RPL37A: variants seen among roughly 807,000 people sequenced by gnomAD.
RPL37A encodes ribosomal protein L37a.
In RPL37A, 5 loss-of-function variants were observed where a neutral mutation model predicts 13.6. That is an observed-to-expected ratio of 0.37 (90% confidence interval 0.19 to 0.78). The LOEUF (loss-of-function observed/expected upper bound fraction) is 0.78. Ranked by LOEUF, RPL37A falls within the 30% of genes least tolerant of loss-of-function variation. The probability of loss-of-function intolerance (pLI) is 0.49; values close to 1 mark genes in which losing one functional copy is unlikely to be tolerated. For missense variants in RPL37A, 77 were observed against 120.0 expected (o/e 0.64, Z 1.67); for synonymous variants, 50 against 44.4 (o/e 1.13, Z -0.50).
rs1695628453 is a variant in RPL37A, at chr2:216,503,239, G to A, written c.*1835G>A. On this transcript the variant is annotated 3_prime_UTR_variant, in exon 4 of 4. Transcript: ENST00000491306. ...ACTGCCTAGATAGTTGGGTGACTTG[G>A]GTTAAGTGACTTAACCTCTCTGCTT... The A allele has an allele frequency of 6.6e-6, 1 of 152,080 alleles. No homozygotes were observed. Among genetic ancestry groups the A allele is most frequent in the Non-Finnish European group, 1.5e-5 (1 of 68,022 alleles). The allele number at this position is 152,080 out of a possible 1,614,324, so 9.4% of individuals were successfully genotyped here.
Position 216,503,029 on chromosome 2 carries a change from G to A in RPL37A, c.*1625G>A, listed in dbSNP as rs920896565. 13 of 152,196 alleles carry A rather than the reference G, an allele frequency of 8.5e-5. No individual in the cohort carries two copies. Among genetic ancestry groups the A allele is most frequent in the African/African-American group, 2.9e-4 (12 of 41,448 alleles). The allele number at this position is 152,196 out of a possible 1,614,324, so 9.4% of individuals were successfully genotyped here. A position where few individuals can be genotyped will look rare whatever the true frequency, so the allele number is the denominator to read the frequency against. On this transcript the variant is annotated 3_prime_UTR_variant, in exon 4 of 4. Coordinates refer to ENST00000491306, the MANE Select transcript of RPL37A (RefSeq NM_000998.5). The stretch of plus-strand genomic sequence containing the variant: ...AAGCAAGTACTGTGGGTCAGTAGGG[G>A]TAGGACCAGGAGTGACAAGTCAGGA...
chr2:216,500,585 A>C (rs1234843217), intron 3 of RPL37A: 2 of 152,836 alleles, frequency 1.3e-5, no homozygotes, highest in East Asian at 3.8e-4. Flanking sequence ...TAGTGTAATT[A>C]AAGAATTGGA....
intron 1 of RPL37A, 106 bp from the exon 2 acceptor site, chr2:216,499,164 T>A: frequency 1.5e-6 from 2 of 1,375,370 alleles, no homozygotes; most frequent in South Asian, 2.7e-5. Context: ...CATATGTAAT[T>A]CACATGTCGG....
chr2:216,498,855 C>G lies in RPL37A; in HGVS notation c.-20C>G, dbSNP rs192551677. On this transcript the variant is annotated 5_prime_UTR_variant, in exon 1 of 4. Coordinates refer to ENST00000491306, the MANE Select transcript of RPL37A (RefSeq NM_000998.5). ...CACCGCGTCTCTTCCTTTCTGGGCT[C>G]GGACCTAGGTCGCGGCGACATGGTG... The G allele has an allele frequency of 1.7e-3, 2,679 of 1,614,134 alleles. 10 individuals are homozygous for G. Among genetic ancestry groups the G allele is most frequent in the Non-Finnish European group, 2.0e-3 (2,364 of 1,179,958 alleles).
At chr2:216,499,449 C>T (rs772830320) in intron 2 of RPL37A, 51 bp downstream of exon 2, 21 of 1,600,706 alleles carry the variant, frequency 1.3e-5, no homozygotes, top group Non-Finnish European at 1.7e-5. Flanking sequence ...AGGTTTCTTA[C>T]CCAAGTGAGG....
At position 216,499,023 on chromosome 2, in the gene RPL37A, C is replaced by T. The variant is rs1695550162; in HGVS notation, c.3+146C>T. 11 of 1,335,124 alleles carry T rather than the reference C, an allele frequency of 8.2e-6. 1 individual carries two copies. The South Asian group carries it at 1.3e-4, about 15-fold the overall frequency. The allele number at this position is 1,335,124 out of a possible 1,614,324, so 82.7% of individuals were successfully genotyped here. On this transcript the variant is annotated intron_variant, in intron 1 of 3. Transcript: ENST00000491306. ...GCAGGAGACACCATTGTCGGAAGCT[C>T]CCCAAGGCGGAGGGGCGGGGGCGCC... is the stretch of plus-strand genomic sequence containing the variant.
intron 3 of RPL37A, chr2:216,500,800 A>G (rs1695586896): frequency 6.6e-6 from 1 of 152,310 alleles, no homozygotes; most frequent in Non-Finnish European, 1.5e-5. Context: ...TTTTATGGTA[A>G]AACTTTTGTA....
intron 2 of RPL37A, chr2:216,499,633 G>A: frequency 3.1e-6 from 2 of 638,698 alleles, no homozygotes; most frequent in South Asian, 2.0e-5. Flanking sequence ...ATTTGACAGA[G>A]TGCCCCCAGC....
chr2:216,499,137 T>A, intron 1 of RPL37A, 133 bp from the exon 2 acceptor site: 1 of 1,284,502 alleles, frequency 7.8e-7, no homozygotes, highest in African/African-American at 1.5e-5. Flanking sequence ...TTGGGTTGAA[T>A]TTAGGGAAAA....
rs778619379 is a variant in RPL37A at position 216,501,368 on chromosome 2, C to T, written c.243C>T (p.Ser81=). The T allele has an allele frequency of 2.5e-5, 41 of 1,612,174 alleles. No individual in the cohort carries two copies. The highest frequency in any genetic ancestry group is 3.8e-4 in the Middle Eastern group (2 of 5,252). The change falls in exon 4 of 4, where the codon TCC becomes TCT. Residue 81 remains serine (S), a synonymous_variant. Transcript: ENST00000491306. ...CCACTTCCGCTGTCACGGTAAAGTC[C>T]GCCATCAGAAGACTGAAGGAGTTGA... ...YNTTSAVTVK[S]AIRRLKELKD...
In RPL37A at chr2:216,501,578, G is replaced by A; in HGVS notation, c.*174G>A. The A allele has an allele frequency of 2.0e-6, 1 of 497,652 alleles. No individual in the cohort carries two copies. Among genetic ancestry groups the A allele is most frequent in the Non-Finnish European group, 3.6e-6 (1 of 280,272 alleles). 30.8% of individuals were successfully genotyped at this position (497,652 alleles called of 1,614,324 possible). ...TTATTGTAATTCAGTGTCTTTTTTA[G>A]TAGTCAAATGGTAAAATGCAGCATA... On this transcript the variant is annotated 3_prime_UTR_variant, in exon 4 of 4. Coordinates refer to ENST00000491306, the MANE Select transcript of RPL37A (RefSeq NM_000998.5).
rs115106507 is a variant in RPL37A at position 216,502,297 on chromosome 2, A to G, written c.*893A>G. ...GGCCAGGATCGTGCCACTGCACTTT[A>G]TTTAGCCAGGACAACACTCTGTCTC... is the stretch of plus-strand genomic sequence containing the variant. On this transcript the variant is annotated 3_prime_UTR_variant, in exon 4 of 4. Coordinates refer to ENST00000491306, the MANE Select transcript of RPL37A (RefSeq NM_000998.5). 180 of 152,100 alleles carry G rather than the reference A, an allele frequency of 1.2e-3. 1 individual carries two copies. The highest frequency in any genetic ancestry group is 4.1e-3 in the African/African-American group (172 of 41,456). The allele number at this position is 152,100 out of a possible 1,614,324, so 9.4% of individuals were successfully genotyped here.
rs548202375 is a variant in RPL37A, at chr2:216,498,941, C to T, written c.3+64C>T. 115 of 1,601,792 alleles carry T rather than the reference C, an allele frequency of 7.2e-5. 1 individual carries two copies. The South Asian group carries it at 1.2e-3, about 17-fold the overall frequency. The stretch of plus-strand genomic sequence containing the variant: ...CCTGCATCTGTCCTTGTTTTCTTCT[C>T]CCGCACCCATCTCCTCTCCTGCCTT... On this transcript the variant is annotated intron_variant, in intron 1 of 3. Transcript: ENST00000491306.
intron 2 of RPL37A, 187 bp downstream of exon 2, chr2:216,499,585 T>A: frequency 1.3e-6 from 1 of 762,286 alleles, no homozygotes; most frequent in Non-Finnish European, 2.1e-6. Flanking sequence ...GTTTTTCATT[T>A]AAAGAAAACC....
At chr2:216,501,068 T>C (rs1377023851) in intron 3 of RPL37A, 4 of 264,512 alleles carry the variant, frequency 1.5e-5, no homozygotes, top group Non-Finnish European at 2.1e-5. Context: ...TGCATGAGAT[T>C]GTATGTCTAA....
At position 216,503,217 on chromosome 2, in the gene RPL37A, G is replaced by C. The variant is rs1358380061; in HGVS notation, c.*1813G>C. 1.3e-5 allele frequency: 2 copies of C among 152,136 alleles called. No individual in the cohort carries two copies. The highest frequency in any genetic ancestry group is 6.5e-5 in the Admixed American group (1 of 15,270). The allele number at this position is 152,136 out of a possible 1,614,324, so 9.4% of individuals were successfully genotyped here. ...TTAAGAACACCAACTTAGCCAAACT[G>C]CCTAGATAGTTGGGTGACTTGGGTT... On this transcript the variant is annotated 3_prime_UTR_variant, in exon 4 of 4. Transcript: ENST00000491306.
At position 216,504,025 on chromosome 2, in the gene RPL37A, C is replaced by CT. The variant is rs1317744352; in HGVS notation, c.*2622dup. ...ACAGTGGTTTTCTGAGCCTTTGACT[C>CT]TAAGTCATCTAATTGAACATTGTGT... On this transcript the variant is annotated 3_prime_UTR_variant, in exon 4 of 4. Transcript: ENST00000491306. 3.3e-5 allele frequency: 5 copies of CT among 152,204 alleles called. No homozygotes were observed. The highest frequency in any genetic ancestry group is 1.3e-4 in the Admixed American group (2 of 15,284). The allele number at this position is 152,204 out of a possible 1,614,324, so 9.4% of individuals were successfully genotyped here.
In RPL37A at chr2:216,500,030, AAGTGAGT is replaced by A. The variant is rs748773015; in HGVS notation, c.215_215+6del. On this transcript the variant is annotated splice_donor_variant and splice_donor_5th_base_variant and coding_sequence_variant and intron_variant, in exon 3 of 4. Transcript: ENST00000491306. LOFTEE classifies it high-confidence loss of function. ...AGTGGCTGGCGGTGCCTGGACGTAC[AAGTGAGT>A]CTAGTTCCTTGTGGTATTTGGAAGT... 1 of 1,612,462 alleles carries A rather than the reference AAGTGAGT, an allele frequency of 6.2e-7. No individual in the cohort carries two copies. The highest frequency in any genetic ancestry group is 8.5e-7 in the Non-Finnish European group (1 of 1,179,232).
intron 3 of RPL37A, 24 bp downstream of exon 3, chr2:216,500,055 T>G (rs1695573340): frequency 6.3e-7 from 1 of 1,599,542 alleles, no homozygotes; most frequent in South Asian, 1.1e-5. Flanking sequence ...CTTGTGGTAT[T>G]TGGAAGTGTG....
Sources: allele counts gnomAD v4.1 joint callset, GRCh38; gene constraint gnomAD v4.1.1; transcripts MANE v1.5; gene names NCBI Gene and HGNC (gene_info 2026-07-23, HGNC 2026-07-21).